ATP8B4: variants seen among roughly 807,000 people sequenced by gnomAD.
ATP8B4 encodes probable phospholipid-transporting ATPase IM.
In ATP8B4, 133 loss-of-function variants were observed where a neutral mutation model predicts 145.6. The observed-to-expected ratio is 0.91, with a 90% CI of 0.79 to 1.05. The LOEUF is 1.05. ATP8B4 is among the 50% of genes least tolerant of loss of function. The pLI, the probability that ATP8B4 is intolerant of heterozygous loss-of-function variation, is 0.00. For missense variants in ATP8B4, 1,458 were observed against 1,425.2 expected (o/e 1.02, Z -0.37); for synonymous variants, 507 against 492.9 (o/e 1.03, Z -0.38).
At chr15:50,107,318 T>G (rs2056734324) in intron 1 of ATP8B4, among the ~76,000 whole-genome samples, 1 of 152,174 alleles carries the variant, frequency 6.6e-6, no homozygotes, top group South Asian at 2.1e-4. Context: ...AGGGGTGAGG[T>G]TCCAGAATCT....
At chr15:50,098,467 A>G (rs2056136276) in intron 2 of ATP8B4, among the ~76,000 whole-genome samples, 2 of 151,380 alleles carry the variant, frequency 1.3e-5, no homozygotes, top group South Asian at 4.2e-4. Flanking sequence ...AATTTTTTGC[A>G]GAGACAAGGT....
At chr15:50,090,758 A>ATT (rs879795453) in intron 2 of ATP8B4, among the ~76,000 whole-genome samples, 4 of 147,336 alleles carry the variant, frequency 2.7e-5, no homozygotes, top group Admixed American at 6.8e-5. Context: ...TTGAAATGTG[A>ATT]TTTTTTTTTT....
intron 12 of ATP8B4, among the ~76,000 whole-genome samples, chr15:49,974,115 T>G (rs1463996018): frequency 7.0e-6 from 1 of 142,956 alleles, no homozygotes; most frequent in South Asian, 2.2e-4. Context: ...GGAGTTCCGC[T>G]CTTGTTGCCT....
chr15:49,931,316 TA>T lies in ATP8B4; in HGVS notation c.1454-10del. ...TTGGTAAATCAGCTCTCCTAAAAGG[TA>T]AAGAAACAAGTGTATCAATACTGAC... On this transcript the variant is annotated splice_polypyrimidine_tract_variant and intron_variant, in intron 15 of 27. Coordinates refer to ENST00000284509, the MANE Select transcript of ATP8B4 (RefSeq NM_024837.4). The T allele has an allele frequency of 6.2e-7, 1 of 1,609,512 alleles. No homozygotes were observed. The highest frequency in any genetic ancestry group is 8.5e-7 in the Non-Finnish European group (1 of 1,177,332).
At chr15:50,152,478 A>G (rs1389103878) in intron 1 of ATP8B4, among the ~76,000 whole-genome samples, 3 of 152,204 alleles carry the variant, frequency 2.0e-5, no homozygotes, top group Non-Finnish European at 1.5e-5. Flanking sequence ...TTGTTTGACA[A>G]TATTTTCCAT....
intron 9 of ATP8B4, among the ~76,000 whole-genome samples, chr15:49,991,469 A>T (rs768771178): frequency 6.6e-6 from 1 of 152,324 alleles, no homozygotes. Flanking sequence ...TCCAGTTTAC[A>T]TAATAATAAT....
At chr15:50,112,737 G>A (rs1193277113) in intron 1 of ATP8B4, among the ~76,000 whole-genome samples, 6 of 151,936 alleles carry the variant, frequency 3.9e-5, no homozygotes, top group Admixed American at 3.9e-4. Context: ...AAGTACACAG[G>A]TAAGAACAGT....
At chr15:50,057,033 A>C (rs1195039175) in intron 3 of ATP8B4, among the ~76,000 whole-genome samples, 1 of 151,992 alleles carries the variant, frequency 6.6e-6, no homozygotes, top group Non-Finnish European at 1.5e-5. Flanking sequence ...GTCAGATTTA[A>C]TTTTCTTTTA....
chr15:49,925,882 G>T (rs1001371412), intron 16 of ATP8B4, among the ~76,000 whole-genome samples: 1 of 152,086 alleles, frequency 6.6e-6, no homozygotes, highest in Admixed American at 6.6e-5. Context: ...CATTTCAGAA[G>T]TTAGTATTTC....
chr15:50,082,191 G>C (rs903940311), intron 2 of ATP8B4, among the ~76,000 whole-genome samples: 3 of 152,190 alleles, frequency 2.0e-5, no homozygotes, highest in African/African-American at 7.2e-5. Context: ...AGAACAATGA[G>C]TGGGGAGAGC....
chr15:49,996,571 G>A (rs2153555188), intron 9 of ATP8B4, 106 bp downstream of exon 9: 1 of 905,460 alleles, frequency 1.1e-6, no homozygotes, highest in Non-Finnish European at 1.6e-6. Flanking sequence ...AGAATTTGAT[G>A]TCCTTCCACC....
chr15:50,152,891 G>C (rs2044364975), intron 1 of ATP8B4, among the ~76,000 whole-genome samples: 1 of 152,182 alleles, frequency 6.6e-6, no homozygotes, highest in African/African-American at 2.4e-5. Flanking sequence ...TTTTAGGCCA[G>C]TTACCAAAAA....
At chr15:49,941,176 G>GA (rs904482366) in intron 14 of ATP8B4, among the ~76,000 whole-genome samples, 2 of 151,890 alleles carry the variant, frequency 1.3e-5, no homozygotes, top group African/African-American at 4.8e-5. Flanking sequence ...AATCTCACAG[G>GA]AAAAAAAGCC....
intron 8 of ATP8B4, among the ~76,000 whole-genome samples, chr15:49,999,493 C>A (rs1409074875): frequency 1.3e-5 from 2 of 151,570 alleles, no homozygotes; most frequent in East Asian, 3.9e-4. Context: ...ATGTAACTAA[C>A]CTGCACATTG....
At chr15:50,054,806 AAAAC>A (rs1327563070) in intron 3 of ATP8B4, among the ~76,000 whole-genome samples, 131 of 135,282 alleles carry the variant, frequency 9.7e-4, no homozygotes, top group Non-Finnish European at 1.5e-3. Context: ...AAAAAAAAAA[AAAAC>A]AAAAAAAAAA....
Position 49,925,378 on chromosome 15 carries a change from A to T in ATP8B4, c.1643-1884T>A, listed in dbSNP as rs185636895. Among the ~76,000 whole-genome samples the T allele has an allele frequency of 5.6e-3, 847 of 152,296 alleles. 8 individuals carry two copies. The highest frequency in any genetic ancestry group is 0.02 in the African/African-American group (813 of 41,568). ...TGCATTCATTCTGTTGTGACATCAC[A>T]TGTCACGTGGCTTCTGCAAAACTCC... On this transcript the variant is annotated intron_variant, in intron 16 of 27. Coordinates refer to ENST00000284509, the MANE Select transcript of ATP8B4 (RefSeq NM_024837.4).
intron 1 of ATP8B4, among the ~76,000 whole-genome samples, chr15:50,156,741 A>T (rs1394094752): frequency 6.6e-6 from 1 of 152,210 alleles, no homozygotes; most frequent in Non-Finnish European, 1.5e-5. Flanking sequence ...GGATAATAAT[A>T]TAGCTGGCCA....
chr15:50,082,405 G>A (rs546952109), intron 2 of ATP8B4, among the ~76,000 whole-genome samples: 3 of 152,206 alleles, frequency 2.0e-5, no homozygotes, highest in African/African-American at 4.8e-5. Flanking sequence ...ATTTTTTTAC[G>A]CTTTCCTCAC....
chr15:49,948,238 C>G (rs1330402015), intron 14 of ATP8B4, among the ~76,000 whole-genome samples: 1 of 150,616 alleles, frequency 6.6e-6, no homozygotes, highest in Admixed American at 6.6e-5. Flanking sequence ...GAGTTCGAGA[C>G]CAGCCTGGCC....
Sources: gnomAD v4.1 joint callset for allele counts (sites outside exome capture counted in the v4.1 genomes callset) on GRCh38, gnomAD v4.1.1 for gene constraint, MANE v1.5 for transcripts, NCBI Gene and HGNC (gene_info 2026-07-23, HGNC 2026-07-21) for gene names.